Variants in THOC2 observed in about 807,000 individuals in gnomAD.
THOC2 encodes the protein THO complex 2.
THOC2 carries 10 observed loss-of-function variants against 128.4 expected under a neutral mutation model. The observed-to-expected ratio is 0.08, with a 90% CI of 0.05 to 0.13. The LOEUF is 0.13. THOC2 is among the 10% of genes least tolerant of loss of function. THOC2 has a pLI of 1.00. For missense variants in THOC2, 535 were observed against 1,155.7 expected (o/e 0.46, Z 7.79); for synonymous variants, 393 against 396.9 (o/e 0.99, Z 0.12).
intron 23 of THOC2, 22 bp from the exon 24 acceptor site, chrX:123,626,684 A>C (rs765050021): frequency 8.6e-7 from 1 of 1,167,246 alleles, no homozygotes; most frequent in Non-Finnish European, 1.1e-6. Flanking sequence ...TCAATTAGAC[A>C]CTTTTCTAAC....
At chrX:123,703,207 T>C (rs1475649889) in intron 4 of THOC2, among the ~76,000 whole-genome samples, 3 of 112,002 alleles carry the variant, frequency 2.7e-5, no homozygotes, top group Non-Finnish European at 5.6e-5. Flanking sequence ...TGAAATGACT[T>C]AATTTAGCTC....
chrX:123,651,564 A>G (rs1017020447), intron 12 of THOC2, among the ~76,000 whole-genome samples: 15 of 111,786 alleles, frequency 1.3e-4, no homozygotes, highest in Non-Finnish European at 1.5e-4. Context: ...ATTAATAAAG[A>G]AGAAAGAGAG....
rs1035732900 is a variant in THOC2, at chrX:123,700,879, T to C, written c.274+2575A>G. Among the ~76,000 whole-genome samples, 6 of 111,223 alleles carry C rather than the reference T, an allele frequency of 5.4e-5. 1 individual carries two copies. Among genetic ancestry groups the C allele is most frequent in the East Asian group, 2.8e-4 (1 of 3,528 alleles). ...AGAACTTAAATTGTTATCATTATTA[T>C]TGTCATCATCATCATCATTATTATT... On this transcript the variant is annotated intron_variant, in intron 4 of 38. Transcript: ENST00000245838.
intron 25 of THOC2, 43 bp downstream of exon 25, chrX:123,625,869 A>G (rs779927566): frequency 8.6e-7 from 1 of 1,156,814 alleles, no homozygotes; most frequent in Admixed American, 2.3e-5. Flanking sequence ...AATGTTAGCT[A>G]TCTTTGTGTG....
intron 2 of THOC2, among the ~76,000 whole-genome samples, chrX:123,707,823 T>C (rs1340093349): frequency 9.0e-6 from 1 of 110,935 alleles, no homozygotes; most frequent in Non-Finnish European, 1.9e-5. Flanking sequence ...AGTTAAAAAA[T>C]CAAATATTTT....
intron 33 of THOC2, among the ~76,000 whole-genome samples, chrX:123,617,627 C>A (rs757358009): frequency 9.0e-6 from 1 of 111,605 alleles, no homozygotes; most frequent in Non-Finnish European, 1.9e-5. Flanking sequence ...ATCCACCTGC[C>A]CTGTCTACCT....
intron 7 of THOC2, among the ~76,000 whole-genome samples, chrX:123,692,556 CAGT>C (rs1174294970): frequency 2.2e-5 from 2 of 92,418 alleles, no homozygotes; most frequent in Non-Finnish European, 4.1e-5. Flanking sequence ...GGCTGGAGTG[CAGT>C]GGCACGATCT....
chrX:123,717,246 T>A (rs185080791), intron 1 of THOC2, among the ~76,000 whole-genome samples: 11 of 110,951 alleles, frequency 9.9e-5, no homozygotes, highest in East Asian at 2.8e-4. Flanking sequence ...GGCAAAAAAA[T>A]TTTTTTAAAA....
rs1341480323 is a variant in THOC2 at position 123,640,630 on chromosome X, G to A, written c.1662-8C>T. 1.8e-6 allele frequency: 2 copies of A among 1,083,277 alleles called. No individual in the cohort carries two copies. Among genetic ancestry groups the A allele is most frequent in the Non-Finnish European group, 2.5e-6 (2 of 796,042 alleles). 89.3% of individuals were successfully genotyped at this position (1,083,277 alleles called of 1,213,427 possible). On this transcript the variant is annotated splice_polypyrimidine_tract_variant and splice_region_variant and intron_variant, in intron 15 of 38. Transcript: ENST00000245838. ...TTTTCCTTGGTTAGGCGCCTACGGAGGAAGAAAAAGGTGGCACGGATCATC... is the reference window on the plus strand; with the variant it reads ...TTTTCCTTGGTTAGGCGCCTACGGAAGAAGAAAAAGGTGGCACGGATCATC...
intron 19 of THOC2, among the ~76,000 whole-genome samples, chrX:123,635,049 ATTC>A (rs772855762): frequency 1.6e-4 from 18 of 112,179 alleles, no homozygotes; most frequent in South Asian, 7.4e-4. Context: ...ATTTTCTAAG[ATTC>A]TTATTAAATG....
chrX:123,699,277 T>C (rs768607126), intron 4 of THOC2, among the ~76,000 whole-genome samples: 1 of 112,336 alleles, frequency 8.9e-6, no homozygotes, highest in South Asian at 3.7e-4. Context: ...GAAAGGGATT[T>C]TTCATCAAAC....
intron 26 of THOC2, 63 bp downstream of exon 26, chrX:123,624,478 A>T: frequency 9.2e-7 from 1 of 1,082,175 alleles, no homozygotes; most frequent in Non-Finnish European, 1.2e-6. Context: ...TCAACTATCT[A>T]GATATTAATG....
intron 7 of THOC2, among the ~76,000 whole-genome samples, chrX:123,688,459 G>A (rs1258108293): frequency 9.0e-6 from 1 of 111,558 alleles, no homozygotes; most frequent in East Asian, 2.8e-4. Flanking sequence ...GGCCGGGCGT[G>A]GCAGCTCACA....
chrX:123,624,307 G>T, intron 26 of THOC2, 116 bp from the exon 27 acceptor site: 2 of 788,266 alleles, frequency 2.5e-6, no homozygotes, highest in Non-Finnish European at 3.5e-6. Context: ...TGCGTATTTG[G>T]ATAGGTAGTC....
intron 1 of THOC2, among the ~76,000 whole-genome samples, chrX:123,721,027 C>T (rs1446854865): frequency 2.7e-5 from 3 of 111,228 alleles, no homozygotes; most frequent in Non-Finnish European, 5.7e-5. Flanking sequence ...GTACTGCTCA[C>T]TTAAAATTTG....
At chrX:123,653,106 A>G (rs1446346147) in intron 12 of THOC2, among the ~76,000 whole-genome samples, 1 of 111,810 alleles carries the variant, frequency 8.9e-6, no homozygotes, top group Non-Finnish European at 1.9e-5. Flanking sequence ...CAGAAGCCTC[A>G]GAAATAACAC....
At chrX:123,640,049 C>G (rs989245882) in intron 16 of THOC2, among the ~76,000 whole-genome samples, 1 of 111,181 alleles carries the variant, frequency 9.0e-6, no homozygotes, top group Non-Finnish European at 1.9e-5. Context: ...TAGCCAAGTG[C>G]AGTGGCATGC....
chrX:123,718,758 C>CA (rs904664874), intron 1 of THOC2, among the ~76,000 whole-genome samples: 19 of 98,188 alleles, frequency 1.9e-4, no homozygotes, highest in East Asian at 1.2e-3. Context: ...GACTCTGTCT[C>CA]AAAAAAAAAA....
At chrX:123,710,731 T>A (rs2051144864) in intron 2 of THOC2, among the ~76,000 whole-genome samples, 1 of 109,954 alleles carries the variant, frequency 9.1e-6, no homozygotes, top group Non-Finnish European at 1.9e-5. Context: ...GGCTCACGCC[T>A]GTAATCCCAG....
Sources: allele counts gnomAD v4.1 joint callset (sites outside exome capture counted in the v4.1 genomes callset), GRCh38; gene constraint gnomAD v4.1.1; transcripts MANE v1.5; gene names NCBI Gene and HGNC (gene_info 2026-07-23, HGNC 2026-07-21).